PTPRG: variants seen among roughly 807,000 people sequenced by gnomAD.
PTPRG encodes the protein protein tyrosine phosphatase receptor type G.
Under a neutral mutation model 165.3 loss-of-function variants are expected in PTPRG, and 102 were observed. That is an observed-to-expected ratio of 0.62 (90% confidence interval 0.53 to 0.73). The LOEUF is 0.73. PTPRG is among the 30% of genes least tolerant of loss of function. PTPRG has a pLI of 0.00. For synonymous variants in PTPRG, 675 were observed against 669.5 expected, an observed-to-expected ratio of 1.01 and a Z score of -0.13; for missense variants, 1,866 against 1,861.4, an observed-to-expected ratio of 1.00 and a Z score of -0.05.
chr3:61,801,185 GC>G (rs1355741181), intron 2 of PTPRG, among the ~76,000 whole-genome samples: 1 of 152,116 alleles, frequency 6.6e-6, no homozygotes, highest in Non-Finnish European at 1.5e-5. Flanking sequence ...GCTTAATTTA[GC>G]TTCAAAAGCA....
At chr3:61,694,595 G>T (rs985710271) in intron 1 of PTPRG, among the ~76,000 whole-genome samples, 4 of 152,098 alleles carry the variant, frequency 2.6e-5, no homozygotes, top group Admixed American at 6.5e-5. Flanking sequence ...CTCTACCAAG[G>T]TTTATGTACT....
chr3:62,143,488 A>C, intron 6 of PTPRG, among the ~76,000 whole-genome samples: 1 of 152,016 alleles, frequency 6.6e-6, no homozygotes, highest in East Asian at 1.9e-4. Flanking sequence ...TGACTGCCTA[A>C]GGTGCTGAGG....
chr3:61,767,240 C>G (rs71619266), intron 2 of PTPRG, among the ~76,000 whole-genome samples: 2,473 of 110,656 alleles, frequency 0.022, 338 homozygotes, highest in Middle Eastern at 0.034. Flanking sequence ...GATTCCATCT[C>G]AAAAAAAAAA....
intron 2 of PTPRG, among the ~76,000 whole-genome samples, chr3:61,786,171 A>G (rs376785564): frequency 1.8e-4 from 28 of 152,202 alleles, no homozygotes; most frequent in African/African-American, 5.8e-4. Context: ...TGGAGGGTAG[A>G]GTAGGTAGTG....
chr3:62,146,631 TAA>T (rs3073630), intron 6 of PTPRG, among the ~76,000 whole-genome samples: 4 of 146,142 alleles, frequency 2.7e-5, no homozygotes, highest in Non-Finnish European at 4.5e-5. Context: ...CTGTTGCTTT[TAA>T]AAAAAAAAAA....
intron 2 of PTPRG, among the ~76,000 whole-genome samples, chr3:61,963,123 G>A (rs949943560): frequency 1.3e-5 from 2 of 151,964 alleles, no homozygotes; most frequent in African/African-American, 2.4e-5. Context: ...CGTAATTTCT[G>A]CCTTAATAAA....
intron 4 of PTPRG, among the ~76,000 whole-genome samples, chr3:62,062,924 G>C (rs190853283): frequency 9.9e-5 from 15 of 152,274 alleles, no homozygotes; most frequent in African/African-American, 3.6e-4. Flanking sequence ...AGAGTGCTGG[G>C]ATTACAGGCA....
intron 4 of PTPRG, among the ~76,000 whole-genome samples, chr3:62,049,726 C>T (rs573038196): frequency 6.6e-6 from 1 of 152,280 alleles, no homozygotes; most frequent in South Asian, 2.1e-4. Context: ...GCAGTACTCA[C>T]CCTGCGTGGT....
At chr3:61,808,783 C>G (rs1275377947) in intron 2 of PTPRG, among the ~76,000 whole-genome samples, 1 of 151,972 alleles carries the variant, frequency 6.6e-6, no homozygotes, top group Non-Finnish European at 1.5e-5. Context: ...ATTCTTAAAC[C>G]CATCCCCGTT....
chr3:62,174,419 G>A (rs570917451), intron 8 of PTPRG, among the ~76,000 whole-genome samples: 6 of 152,268 alleles, frequency 3.9e-5, no homozygotes, highest in South Asian at 2.1e-4. Flanking sequence ...AGCCGATGTC[G>A]TGTTTTTTTG....
chr3:62,007,648 G>C (rs752661350), intron 4 of PTPRG, among the ~76,000 whole-genome samples: 1 of 152,202 alleles, frequency 6.6e-6, no homozygotes, highest in Non-Finnish European at 1.5e-5. Flanking sequence ...TTACACTCCA[G>C]TGGTGACACA....
chr3:61,766,995 G>A (rs2106999637), intron 2 of PTPRG, among the ~76,000 whole-genome samples: 1 of 151,518 alleles, frequency 6.6e-6, no homozygotes, highest in East Asian at 2.0e-4. Flanking sequence ...TGTAATACCA[G>A]CACTTTGGGA....
In PTPRG at chr3:61,874,093, A is replaced by G. The variant is rs188962793; in HGVS notation, c.191-115532A>G. ...TCCTGGTAAAAGACACTCAAATCAG[A>G]CTCTCAGGGGCACAAGAATCCAGAG... On this transcript the variant is annotated intron_variant, in intron 2 of 29. Transcript: ENST00000474889. Among the ~76,000 whole-genome samples the G allele has an allele frequency of 4.2e-4, 64 of 152,188 alleles. No homozygotes were observed. In the East Asian group the frequency reaches 0.011, roughly 27 times the overall value.
At chr3:62,066,836 T>G (rs1182839923) in intron 4 of PTPRG, among the ~76,000 whole-genome samples, 1 of 152,026 alleles carries the variant, frequency 6.6e-6, no homozygotes, top group East Asian at 1.9e-4. Context: ...TCAGGAGATC[T>G]AGACCATCCT....
chr3:61,781,768 T>C (rs1014076778), intron 2 of PTPRG, among the ~76,000 whole-genome samples: 2 of 152,080 alleles, frequency 1.3e-5, no homozygotes, highest in African/African-American at 4.8e-5. Context: ...TACTCTCTTA[T>C]GTAGGCTGGA....
At chr3:61,969,766 G>A (rs1575834626) in intron 2 of PTPRG, among the ~76,000 whole-genome samples, 1 of 152,056 alleles carries the variant, frequency 6.6e-6, no homozygotes, top group Middle Eastern at 3.2e-3. Context: ...CCTGGGGAGC[G>A]AATCACCCGG....
rs1404611911 is a variant in PTPRG, at chr3:61,672,168, C to A, written c.86-76710C>A. Among the ~76,000 whole-genome samples, 350 of 142,874 alleles carry A rather than the reference C, an allele frequency of 2.4e-3. 8 individuals carry two copies. Among genetic ancestry groups the A allele is most frequent in the Admixed American group, 0.019 (271 of 14,342 alleles). The allele number at this position is 142,874 out of a possible 152,430, so 93.7% of individuals were successfully genotyped here. On this transcript the variant is annotated intron_variant, in intron 1 of 29. Transcript: ENST00000474889. ...CTCACTTCCCAGATGTGATGGCGGCCGGGAAGAGGCGCTCCTCACTTCCTA... is the reference window on the plus strand; with the variant it reads ...CTCACTTCCCAGATGTGATGGCGGCAGGGAAGAGGCGCTCCTCACTTCCTA...
intron 2 of PTPRG, among the ~76,000 whole-genome samples, chr3:61,934,697 T>G (rs2039443188): frequency 6.6e-6 from 1 of 152,136 alleles, no homozygotes; most frequent in Admixed American, 6.5e-5. Context: ...CTCCCACTCT[T>G]GTCCTATTGG....
chr3:61,618,801 T>A (rs1484402814), intron 1 of PTPRG, among the ~76,000 whole-genome samples: 3 of 151,902 alleles, frequency 2.0e-5, no homozygotes, highest in Non-Finnish European at 4.4e-5. Context: ...CAGTATTCAT[T>A]GTTATTATAA....
Sources: allele counts gnomAD v4.1 joint callset (sites outside exome capture counted in the v4.1 genomes callset), GRCh38; gene constraint gnomAD v4.1.1; transcripts MANE v1.5; gene names NCBI Gene and HGNC (gene_info 2026-07-23, HGNC 2026-07-21).